The following ATP2B1 variants were observed in gnomAD, a reference collection of about 807,000 sequenced individuals.
The protein encoded by ATP2B1 is ATPase plasma membrane Ca2+ transporting 1, also known as plasma membrane calcium-transporting ATPase 1.
Under a neutral mutation model 124.2 loss-of-function variants are expected in ATP2B1, and 14 were observed. That is an observed-to-expected ratio of 0.11 (90% CI 0.07 to 0.18). ATP2B1 has a LOEUF of 0.18. Among genes scored for constraint, ATP2B1 ranks in the 10% least tolerant of loss-of-function variants. ATP2B1 has a pLI of 1.00. For synonymous variants in ATP2B1, 449 were observed against 492.4 expected (o/e 0.91, Z 1.17); for missense variants, 763 against 1,466.1 (o/e 0.52, Z 7.83).
intron 2 of ATP2B1, among the ~76,000 whole-genome samples, chr12:89,646,188 G>A (rs768373753): frequency 6.6e-6 from 1 of 152,074 alleles, no homozygotes; most frequent in African/African-American, 2.4e-5. Flanking sequence ...AGAATTAGGA[G>A]GAAAGGGGAG....
At chr12:89,600,194 G>C (rs1405063496) in intron 19 of ATP2B1, among the ~76,000 whole-genome samples, 1 of 152,142 alleles carries the variant, frequency 6.6e-6, no homozygotes, top group Non-Finnish European at 1.5e-5. Context: ...TAGAAACATA[G>C]TTAAGAAAAA....
chr12:89,701,527 T>A (rs184082178), intron 1 of ATP2B1, among the ~76,000 whole-genome samples: 3 of 152,292 alleles, frequency 2.0e-5, no homozygotes, highest in Admixed American at 6.5e-5. Context: ...TTAAGGAAAT[T>A]TTTCTGGGAG....
intron 7 of ATP2B1, among the ~76,000 whole-genome samples, chr12:89,627,187 TGACAC>T (rs1397166355): frequency 6.6e-6 from 1 of 152,072 alleles, no homozygotes; most frequent in Non-Finnish European, 1.5e-5. Context: ...AGCACTGACA[TGACAC>T]AAGTGGAAAA....
intron 1 of ATP2B1, among the ~76,000 whole-genome samples, chr12:89,692,905 T>C (rs976195845): frequency 1.3e-5 from 2 of 152,200 alleles, no homozygotes; most frequent in Non-Finnish European, 2.9e-5. Flanking sequence ...TTATATCGAC[T>C]AGTCTATGGT....
chr12:89,628,640 C>T (rs559144291), intron 6 of ATP2B1, among the ~76,000 whole-genome samples: 3 of 152,196 alleles, frequency 2.0e-5, no homozygotes, highest in South Asian at 2.1e-4. Flanking sequence ...AAGGGACAGG[C>T]CTATTGTCTG....
chr12:89,618,898 G>A (rs1258947216), intron 11 of ATP2B1, among the ~76,000 whole-genome samples: 1 of 152,062 alleles, frequency 6.6e-6, no homozygotes, highest in African/African-American at 2.4e-5. Flanking sequence ...CAAATTAAAA[G>A]TATATCTTAA....
At chr12:89,597,814 T>G (rs1184588461) in intron 20 of ATP2B1, among the ~76,000 whole-genome samples, 1 of 152,066 alleles carries the variant, frequency 6.6e-6, no homozygotes, top group East Asian at 1.9e-4. Context: ...GAAAATGTTA[T>G]TTTAGTCAAT....
In ATP2B1 at chr12:89,608,615, C is replaced by T. The variant is rs1043900030; in HGVS notation, c.2442+1322G>A. Among the ~76,000 whole-genome samples the T allele has an allele frequency of 2.6e-5, 4 of 152,048 alleles. No homozygotes were observed. The South Asian group carries it at 6.2e-4, about 24-fold the overall frequency. The stretch of plus-strand genomic sequence containing the variant: ...TTGTGTATTTGTTTGATTATATTTA[C>T]CTGTATTTATTTAAAGCCCATTGTA... On this transcript the variant is annotated intron_variant, in intron 15 of 20. Transcript: ENST00000428670.
chr12:89,678,353 C>T (rs1248937457), intron 1 of ATP2B1, among the ~76,000 whole-genome samples: 3 of 152,068 alleles, frequency 2.0e-5, no homozygotes, highest in Admixed American at 1.3e-4. Flanking sequence ...GTAGAGAGAA[C>T]CTGTCAGTGA....
chr12:89,695,409 A>C lies in ATP2B1; in HGVS notation c.-222+13187T>G, dbSNP rs570340589. On this transcript the variant is annotated intron_variant, in intron 1 of 20. Coordinates refer to ENST00000428670, the MANE Select transcript of ATP2B1 (RefSeq NM_001366521.1). ...TACGGTCTACCCTAGCAATCATATA[A>C]ATATTTTTTAAAAGAAAATATTTAT... Among the ~76,000 whole-genome samples, 6 of 152,218 alleles carry C rather than the reference A, an allele frequency of 3.9e-5. No individual in the cohort carries two copies. In the East Asian group the frequency reaches 9.6e-4, roughly 24 times the overall value.
At chr12:89,654,078 T>C (rs1052237378) in intron 2 of ATP2B1, among the ~76,000 whole-genome samples, 6 of 152,220 alleles carry the variant, frequency 3.9e-5, no homozygotes, top group Non-Finnish European at 5.9e-5. Flanking sequence ...GCTGAATTAA[T>C]AGATCTACCA....
chr12:89,688,702 G>A (rs576903087), intron 1 of ATP2B1, among the ~76,000 whole-genome samples: 1 of 152,160 alleles, frequency 6.6e-6, no homozygotes, highest in South Asian at 2.1e-4. Context: ...ACTAAGGTGG[G>A]AGTCAGATCT....
chr12:89,626,548 A>G lies in ATP2B1; in HGVS notation c.1035T>C (p.Asp345=), dbSNP rs370784109. Residue 345 remains aspartate (D), a synonymous_variant, in exon 8 of 21, where the codon GAT becomes GAC. Transcript: ENST00000428670. ...PLKSEEGGDG[D]EKDKKKANLP... ...AATTTGCTTTCTTTTTATCTTTTTC[A>G]TCACCATCTCCACCTTCTTCACTCT... 32 of 1,613,508 alleles carry G rather than the reference A, an allele frequency of 2.0e-5. No individual in the cohort carries two copies. In the African/African-American group the frequency reaches 4.0e-4, roughly 20 times the overall value.
chr12:89,703,703 G>A (rs368919719), intron 1 of ATP2B1, among the ~76,000 whole-genome samples: 42 of 152,178 alleles, frequency 2.8e-4, no homozygotes, highest in African/African-American at 9.6e-4. Flanking sequence ...AGTAACCACA[G>A]ATGGATCTTC....
intron 1 of ATP2B1, among the ~76,000 whole-genome samples, chr12:89,701,617 A>G (rs1227754632): frequency 6.6e-6 from 1 of 152,238 alleles, no homozygotes; most frequent in Non-Finnish European, 1.5e-5. Flanking sequence ...TCTGGAAGAT[A>G]GCTACATACA....
Position 89,603,353 on chromosome 12 carries a change from G to A in ATP2B1, c.2849-99C>T. ...CTTAGCTAGACCTTTTATTTGATCT[G>A]AAATGGCAGCATGGAAGGAGCTAGA... is the stretch of plus-strand genomic sequence containing the variant. On this transcript the variant is annotated intron_variant, in intron 17 of 20. Coordinates refer to ENST00000428670, the MANE Select transcript of ATP2B1 (RefSeq NM_001366521.1). This position sits in a 1 kb window ranked among gnomAD's most constrained non-coding sequence, Gnocchi z 4.3. 1.0e-6 allele frequency: 1 copy of A among 999,712 alleles called. No individual in the cohort carries two copies. The highest frequency in any genetic ancestry group is 1.4e-6 in the Non-Finnish European group (1 of 699,864). 61.9% of individuals were successfully genotyped at this position (999,712 alleles called of 1,614,324 possible). A position where few individuals can be genotyped will look rare whatever the true frequency, so the allele number is the denominator to read the frequency against.
At chr12:89,701,442 A>G (rs1188687833) in intron 1 of ATP2B1, among the ~76,000 whole-genome samples, 1 of 152,222 alleles carries the variant, frequency 6.6e-6, no homozygotes, top group East Asian at 1.9e-4. Context: ...GCAAATGTTC[A>G]GGTACTATTT....
At chr12:89,671,414 C>T (rs1026372394) in intron 1 of ATP2B1, among the ~76,000 whole-genome samples, 1 of 152,120 alleles carries the variant, frequency 6.6e-6, no homozygotes, top group Admixed American at 6.5e-5. Context: ...GTATTTGTAT[C>T]CTAACTGAGG....
At chr12:89,601,031 T>A (rs1210135868) in intron 19 of ATP2B1, among the ~76,000 whole-genome samples, 2 of 152,086 alleles carry the variant, frequency 1.3e-5, no homozygotes, top group African/African-American at 4.8e-5. Flanking sequence ...GATATTAGCA[T>A]CCTAACCAGT....
Sources: gnomAD v4.1 joint callset for allele counts (sites outside exome capture counted in the v4.1 genomes callset) on GRCh38, gnomAD v4.1.1 for gene constraint, Gnocchi (gnomAD v3.1) non-coding constraint, MANE v1.5 for transcripts, NCBI Gene and HGNC (gene_info 2026-07-23, HGNC 2026-07-21) for gene names.